Variants in EYS observed in about 807,000 individuals in gnomAD.
EYS encodes EGF-like photoreceptor maintenance factor.
Under a neutral mutation model 282.1 loss-of-function variants are expected in EYS, and 250 were observed. The observed-to-expected ratio is 0.89, with a 90% CI of 0.80 to 0.98. EYS has a LOEUF of 0.98. Ranked by LOEUF, EYS falls within the 50% of genes least tolerant of loss-of-function variation. The pLI is 0.00. For synonymous variants in EYS, 1,355 were observed against 1,282.9 expected (o/e 1.06, Z -1.20); for missense variants, 4,016 against 3,709.0 (o/e 1.08, Z -2.15).
intron 5 of EYS, among the ~76,000 whole-genome samples, chr6:65,461,739 G>A (rs967976230): frequency 6.6e-6 from 1 of 151,886 alleles, no homozygotes. Flanking sequence ...ATCACAAGCT[G>A]CTTGCTACAC....
At chr6:64,804,959 C>G (rs1012353683) in intron 22 of EYS, among the ~76,000 whole-genome samples, 15 of 152,020 alleles carry the variant, frequency 9.9e-5, no homozygotes, top group African/African-American at 3.6e-4. Flanking sequence ...TATGATTTCT[C>G]AATTTTCAAA....
At chr6:65,608,607 A>C (rs2149793736) in intron 2 of EYS, among the ~76,000 whole-genome samples, 1 of 152,118 alleles carries the variant, frequency 6.6e-6, no homozygotes, top group East Asian at 1.9e-4. Flanking sequence ...CTTTTTATTT[A>C]CTCTTTGACT....
At position 65,064,696 on chromosome 6, in the gene EYS, C is replaced by T. The variant is rs184970806; in HGVS notation, c.2024-6969G>A. Among the ~76,000 whole-genome samples, 142 of 151,780 alleles carry T rather than the reference C, an allele frequency of 9.4e-4. 1 individual carries two copies. Among genetic ancestry groups the T allele is most frequent in the Middle Eastern group, 3.4e-3 (1 of 294 alleles). On this transcript the variant is annotated intron_variant, in intron 12 of 42. Transcript: ENST00000503581. The stretch of plus-strand genomic sequence containing the variant: ...CAAACTCAGGCAGAGAAAAAGAATG[C>T]TATTTCTTGGTTCAAACACTCACAG...
chr6:65,457,285 C>G (rs952529705), intron 5 of EYS, among the ~76,000 whole-genome samples: 14 of 152,110 alleles, frequency 9.2e-5, no homozygotes, highest in African/African-American at 3.1e-4. Context: ...CTGTCTCAGA[C>G]TCCTATGTTT....
At chr6:65,453,567 T>A (rs966086420) in intron 5 of EYS, among the ~76,000 whole-genome samples, 15 of 152,022 alleles carry the variant, frequency 9.9e-5, no homozygotes, top group Non-Finnish European at 1.5e-5. Flanking sequence ...TTTTGTAATA[T>A]ACAATATTAA....
At chr6:64,222,578 T>C (rs1029670796) in intron 31 of EYS, among the ~76,000 whole-genome samples, 1 of 152,082 alleles carries the variant, frequency 6.6e-6, no homozygotes, top group Non-Finnish European at 1.5e-5. Context: ...CTTACTATTT[T>C]ATTGTAAATA....
At chr6:65,641,143 G>C (rs765672508) in intron 1 of EYS, among the ~76,000 whole-genome samples, 2 of 152,198 alleles carry the variant, frequency 1.3e-5, no homozygotes, top group Non-Finnish European at 2.9e-5. Flanking sequence ...GGCCAAAATA[G>C]AAGTTGGTAC....
At chr6:63,851,885 C>T (rs1312672065) in intron 36 of EYS, among the ~76,000 whole-genome samples, 2 of 152,030 alleles carry the variant, frequency 1.3e-5, no homozygotes, top group East Asian at 1.9e-4. Context: ...TGGCCGGGCG[C>T]AGTGGCTCAT....
intron 28 of EYS, among the ~76,000 whole-genome samples, chr6:64,428,650 T>C (rs1582741273): frequency 6.6e-6 from 1 of 152,190 alleles, no homozygotes; most frequent in African/African-American, 2.4e-5. Context: ...TTTGTATGGC[T>C]CAGTAAATGT....
At chr6:64,678,766 A>G (rs951114350) in intron 22 of EYS, among the ~76,000 whole-genome samples, 4 of 151,622 alleles carry the variant, frequency 2.6e-5, no homozygotes, top group South Asian at 2.1e-4. Flanking sequence ...GGGTGGATCA[A>G]TTGAGGTCTG....
intron 1 of EYS, among the ~76,000 whole-genome samples, chr6:65,699,632 G>A (rs916279842): frequency 6.6e-6 from 1 of 152,112 alleles, no homozygotes; most frequent in African/African-American, 2.4e-5. Flanking sequence ...AACTGATGGG[G>A]TACTTATCAG....
chr6:65,195,545 G>C (rs1456590203), intron 12 of EYS, among the ~76,000 whole-genome samples: 1 of 151,932 alleles, frequency 6.6e-6, no homozygotes, highest in Non-Finnish European at 1.5e-5. Flanking sequence ...CATGTCTGCT[G>C]AATGTGTTAA....
intron 36 of EYS, chr6:63,857,852 G>T: frequency 5.1e-6 from 1 of 195,386 alleles, no homozygotes. Flanking sequence ...TTGTCAGCAA[G>T]CATCGGGAAA....
intron 37 of EYS, among the ~76,000 whole-genome samples, chr6:63,801,168 A>G (rs921940020): frequency 1.3e-5 from 2 of 152,190 alleles, no homozygotes; most frequent in East Asian, 1.9e-4. Context: ...AAAGAGGAGA[A>G]TAGAGGGGAA....
At chr6:64,297,149 T>A (rs1769058901) in intron 30 of EYS, among the ~76,000 whole-genome samples, 1 of 152,198 alleles carries the variant, frequency 6.6e-6, no homozygotes, top group African/African-American at 2.4e-5. Context: ...TCTTCACATA[T>A]TAGACATCTG....
intron 33 of EYS, among the ~76,000 whole-genome samples, chr6:64,028,609 C>T (rs1582161931): frequency 6.6e-6 from 1 of 152,178 alleles, no homozygotes; most frequent in Non-Finnish European, 1.5e-5. Flanking sequence ...TTCCTCTTTG[C>T]TTTTGAGGAT....
chr6:64,555,844 A>C (rs1157682145), intron 26 of EYS, among the ~76,000 whole-genome samples: 1 of 151,968 alleles, frequency 6.6e-6, no homozygotes, highest in Non-Finnish European at 1.5e-5. Flanking sequence ...AGTGAAATCT[A>C]AAATACTGTA....
chr6:64,145,745 A>G (rs1774495144), intron 31 of EYS, among the ~76,000 whole-genome samples: 1 of 152,178 alleles, frequency 6.6e-6, no homozygotes, highest in Admixed American at 6.6e-5. Context: ...TTCAGACTAC[A>G]TTTTCCACAC....
At chr6:65,630,192 T>A (rs865781490) in intron 2 of EYS, among the ~76,000 whole-genome samples, 34 of 152,324 alleles carry the variant, frequency 2.2e-4, no homozygotes, top group African/African-American at 7.5e-4. Context: ...GTCACTGTGG[T>A]TGTCTTGTGT....
Sources: allele counts gnomAD v4.1 joint callset (sites outside exome capture counted in the v4.1 genomes callset), GRCh38; gene constraint gnomAD v4.1.1; transcripts MANE v1.5; gene names NCBI Gene and HGNC (gene_info 2026-07-23, HGNC 2026-07-21).